PCDH1: variants seen among roughly 807,000 people sequenced by gnomAD.
The protein encoded by PCDH1 is protocadherin 1.
PCDH1 carries 23 observed loss-of-function variants against 74.6 expected under a neutral mutation model. The ratio of observed to expected loss-of-function variants is 0.31; its 90% CI spans 0.22 to 0.44. The LOEUF is 0.44. Among genes scored for constraint, PCDH1 ranks in the 20% least tolerant of loss-of-function variants. The pLI, the probability that PCDH1 is intolerant of heterozygous loss-of-function variation, is 1.00. For synonymous variants in PCDH1, 647 were observed against 686.1 expected (o/e 0.94, Z 0.89); for missense variants, 1,214 against 1,641.4 (o/e 0.74, Z 4.50).
chr5:141,856,162 G>C (rs1561475607), intron 4 of PCDH1: 37 of 1,459,166 alleles, frequency 2.5e-5, no homozygotes, highest in Non-Finnish European at 6.5e-6. Context: ...GCACTGGGTG[G>C]GTGAGGCTGG....
intron 2 of PCDH1, chr5:141,866,204 A>G (rs965794809): frequency 2.3e-5 from 23 of 985,402 alleles, no homozygotes; most frequent in Non-Finnish European, 2.8e-5. Flanking sequence ...TTCAGCAGCA[A>G]CTTCTCCTCC....
rs1752710521 is a variant in PCDH1 at position 141,864,248 on chromosome 5, G to A, written c.2083C>T (p.Arg695Cys). 1 of 1,611,440 alleles carries A rather than the reference G, an allele frequency of 6.2e-7. No individual in the cohort carries two copies. Among genetic ancestry groups the A allele is most frequent in the Non-Finnish European group, 8.5e-7 (1 of 1,177,918 alleles). ...ATGGTGACACCAACGTAAGCTGAGC[G>A]AGGTGGGACGCCACCATCCACTGCC... ...LKAVDGGVPP[R>C]SAYVGVTINV... Residue 695 changes from arginine (R) to cysteine (C), a missense_variant, in exon 3 of 5, where the codon CGC becomes TGC. This residue lies in a region of PCDH1 where 836 missense variants were observed against 1,182.2 expected (regional missense o/e 0.71). Coordinates refer to ENST00000287008, the MANE Select transcript of PCDH1 (RefSeq NM_032420.5). The surrounding 1 kb of genome is among the most constrained non-coding windows in gnomAD (Gnocchi z 5.9).
chr5:141,875,367 C>A (rs1333574409), intron 1 of PCDH1, among the ~76,000 whole-genome samples: 1 of 152,152 alleles, frequency 6.6e-6, no homozygotes, highest in Non-Finnish European at 1.5e-5. Flanking sequence ...CACCACCCAC[C>A]ATGGACCCTG....
chr5:141,869,685 C>G lies in PCDH1; in HGVS notation c.41-254G>C. 2 of 1,517,836 alleles carry G rather than the reference C, an allele frequency of 1.3e-6. No homozygotes were observed. Among genetic ancestry groups the G allele is most frequent in the Non-Finnish European group, 1.8e-6 (2 of 1,135,828 alleles). The allele number at this position is 1,517,836 out of a possible 1,614,324, so 94.0% of individuals were successfully genotyped here. ...CTGGCATGCCTAGAGCAGCTCCCGC[C>G]CATGGAACACCCTCACCCACCTGAC... On this transcript the variant is annotated intron_variant, in intron 1 of 4. Transcript: ENST00000287008. The surrounding 1 kb of genome is among the most constrained non-coding windows in gnomAD (Gnocchi z 4.9).
chr5:141,854,277 T>C lies in PCDH1; in HGVS notation c.3479A>G (p.Asp1160Gly). Residue 1160 changes from aspartate (D) to glycine (G), a missense_variant, in exon 5 of 5, where the codon GAC becomes GGC. This residue lies in a region of PCDH1 where 194 missense variants were observed against 198.3 expected (regional missense o/e 0.98). Coordinates refer to ENST00000287008, the MANE Select transcript of PCDH1 (RefSeq NM_032420.5). Reference protein sequence around the residue: ...LKLSTFVPYQDRGGQEPAGAG... With the variant: ...LKLSTFVPYQGRGGQEPAGAG... ...GCCCGCAGGCTCCTGCCCTCCTCGG[T>C]CCTGGTAAGGCACGAAGGTGGAGAG... 3.7e-6 allele frequency: 6 copies of C among 1,613,674 alleles called. No individual in the cohort carries two copies. The highest frequency in any genetic ancestry group is 5.1e-6 in the Non-Finnish European group (6 of 1,179,842).
rs1752215355 is a variant in PCDH1, at chr5:141,853,949, C to CA, written c.*92dup. ...CACTTGGGGCCCTGGCCAGGAAGTC[C>CA]ACGCTGAAGGGGTGGAGAGTGAGGC... On this transcript the variant is annotated 3_prime_UTR_variant, in exon 5 of 5. Transcript: ENST00000287008. The CA allele has an allele frequency of 5.9e-6, 7 of 1,196,410 alleles. No individual in the cohort carries two copies. In the East Asian group the frequency reaches 1.8e-4, roughly 31 times the overall value. The allele number at this position is 1,196,410 out of a possible 1,614,324, so 74.1% of individuals were successfully genotyped here. A position where few individuals can be genotyped will look rare whatever the true frequency, so the allele number is the denominator to read the frequency against.
chr5:141,870,131 C>T (rs912109854), intron 1 of PCDH1, among the ~76,000 whole-genome samples: 2 of 152,168 alleles, frequency 1.3e-5, no homozygotes, highest in Non-Finnish European at 2.9e-5. Flanking sequence ...ATTCTCCACC[C>T]CCATAAAAGG....
rs1261485039 is a variant in PCDH1 at position 141,853,577 on chromosome 5, C to G, written c.*465G>C. ...AGCCCTTCAGGGAGCCACTGGTGGT[C>G]AAGAGTTTCCTCTGGGAGCTCCCAG... On this transcript the variant is annotated 3_prime_UTR_variant, in exon 5 of 5. Transcript: ENST00000287008. The G allele has an allele frequency of 1.3e-5, 2 of 152,684 alleles. No individual in the cohort carries two copies. The highest frequency in any genetic ancestry group is 1.3e-4 in the Admixed American group (2 of 15,306). 9.5% of individuals were successfully genotyped at this position (152,684 alleles called of 1,614,324 possible).
rs375053596 is a variant in PCDH1 at position 141,874,447 on chromosome 5, G to A, written c.40+3776C>T. On this transcript the variant is annotated intron_variant, in intron 1 of 4. Coordinates refer to ENST00000287008, the MANE Select transcript of PCDH1 (RefSeq NM_032420.5). ...GCCCTACCTCCCCCCAGTGACATGG[G>A]CACCCAGGACCCTGAGAAGCCAGAG... is the stretch of plus-strand genomic sequence containing the variant. Among the ~76,000 whole-genome samples, 14 of 152,344 alleles carry A rather than the reference G, an allele frequency of 9.2e-5. No individual in the cohort carries two copies. The East Asian group carries it at 2.1e-3, about 23-fold the overall frequency.
chr5:141,872,529 A>T (rs1325262520), intron 1 of PCDH1, among the ~76,000 whole-genome samples: 3 of 152,202 alleles, frequency 2.0e-5, no homozygotes, highest in Non-Finnish European at 4.4e-5. Flanking sequence ...TTAGCCGCTA[A>T]TTCAGGGGGC....
chr5:141,853,898 C>T lies in PCDH1; in HGVS notation c.*144G>A, dbSNP rs1349697097. On this transcript the variant is annotated 3_prime_UTR_variant, in exon 5 of 5. Coordinates refer to ENST00000287008, the MANE Select transcript of PCDH1 (RefSeq NM_032420.5). ...GGACCCTGCATGGGAGAAGGGCCAG[C>T]GTGGTCATGAGGTCAGTGATACCCC... The T allele has an allele frequency of 8.0e-6, 5 of 625,434 alleles. No homozygotes were observed. Among genetic ancestry groups the T allele is most frequent in the African/African-American group, 3.6e-5 (2 of 54,840 alleles). 38.7% of individuals were successfully genotyped at this position (625,434 alleles called of 1,614,324 possible).
Position 141,857,333 on chromosome 5 carries a change from C to T in PCDH1, c.3238G>A (p.Gly1080Ser), listed in dbSNP as rs1228012689. 1.9e-6 allele frequency: 3 copies of T among 1,613,652 alleles called. No individual in the cohort carries two copies. The highest frequency in any genetic ancestry group is 1.7e-5 in the Admixed American group (1 of 59,986). ...SSKSSSGPRL[G>S]PLALPEDHYE... ...TGATCCTCAGGCAGGGCCAGGGGAC[C>T]GAGTCGAGGCCCTGAGGATGACTTG... is the stretch of plus-strand genomic sequence containing the variant. Residue 1080 changes from glycine (G) to serine (S), a missense_variant, in exon 4 of 5, where the codon GGT becomes AGT. Physicochemically the swap from Gly to Ser is moderately conservative, Grantham distance 56. Transcript: ENST00000287008.
chr5:141,874,846 A>AGGGGAAGAAAATGGGGTTGC (rs1329357796), intron 1 of PCDH1, among the ~76,000 whole-genome samples: 4 of 151,800 alleles, frequency 2.6e-5, no homozygotes, highest in Admixed American at 1.3e-4. Flanking sequence ...TCGCGGGGAG[A>AGGGGAAGAAAATGGGGTTGC]GGGGAAGAAA....
At position 141,856,406 on chromosome 5, in the gene PCDH1, G is replaced by A. The variant is rs75904398; in HGVS notation, c.3319+846C>T. The A allele has an allele frequency of 5.0e-6, 4 of 804,092 alleles. No homozygotes were observed. In the South Asian group the frequency reaches 5.9e-5, roughly 12 times the overall value. The allele number at this position is 804,092 out of a possible 1,614,324, so 49.8% of individuals were successfully genotyped here. On this transcript the variant is annotated intron_variant, in intron 4 of 4. Transcript: ENST00000287008. ...GACAAGGGCCCTGTGCCTGAGGCAG[G>A]GGAGTGAAACCTCCCATCTTTTGTG...
In PCDH1 at chr5:141,865,012, A is replaced by T. The variant is rs752725093; in HGVS notation, c.1319T>A (p.Phe440Tyr). ...VTCVVAGDVP[F>Y]QLRQASETGS... is the part of the protein sequence containing the mutation. ...TGTCTCACTGGCCTGGCGCAGCTGG[A>T]AGGGCACATCACCTGCCACCACACA... Residue 440 changes from phenylalanine to tyrosine, a missense_variant, in exon 3 of 5, where the codon TTC becomes TAC. Physicochemically the swap from Phe to Tyr is conservative, Grantham distance 22. This residue lies in a region of PCDH1 where 836 missense variants were observed against 1,182.2 expected (regional missense o/e 0.71). Coordinates refer to ENST00000287008, the MANE Select transcript of PCDH1 (RefSeq NM_032420.5). This position sits in a 1 kb window ranked among gnomAD's most constrained non-coding sequence, Gnocchi z 4.4. The T allele has an allele frequency of 6.2e-7, 1 of 1,614,050 alleles. No homozygotes were observed. Among genetic ancestry groups the T allele is most frequent in the South Asian group, 1.1e-5 (1 of 91,064 alleles).
At chr5:141,877,655 C>T (rs138703648) in intron 1 of PCDH1, among the ~76,000 whole-genome samples, 11 of 152,248 alleles carry the variant, frequency 7.2e-5, no homozygotes, top group Non-Finnish European at 1.5e-4. Context: ...TCTGAGCTGG[C>T]GACGGTGCCC....
Position 141,865,466 on chromosome 5 carries a change from G to A in PCDH1, c.904-39C>T. Reference sequence around the variant, plus strand: ...GAGAAAAACAAGGAGAACAGAGATGGTTTAGATCAGGGATAGCAAATAAAG... The same window carrying A: ...GAGAAAAACAAGGAGAACAGAGATGATTTAGATCAGGGATAGCAAATAAAG... On this transcript the variant is annotated intron_variant, in intron 2 of 4. Coordinates refer to ENST00000287008, the MANE Select transcript of PCDH1 (RefSeq NM_032420.5). This position sits in a 1 kb window ranked among gnomAD's most constrained non-coding sequence, Gnocchi z 4.4. The A allele has an allele frequency of 1.3e-6, 2 of 1,586,468 alleles. No individual in the cohort carries two copies. The highest frequency in any genetic ancestry group is 1.7e-6 in the Non-Finnish European group (2 of 1,167,726).
At position 141,853,447 on chromosome 5, in the gene PCDH1, G is replaced by A. The variant is rs887007684; in HGVS notation, c.*595C>T. The A allele has an allele frequency of 6.6e-6, 1 of 152,462 alleles. No homozygotes were observed. Among genetic ancestry groups the A allele is most frequent in the African/African-American group, 2.4e-5 (1 of 41,384 alleles). The allele number at this position is 152,462 out of a possible 1,614,324, so 9.4% of individuals were successfully genotyped here. ...GGGAATGGGGGCCCAGATGGGACTAGGCGTGGGCATGTGGCAGGCAGGTGG... is the reference window on the plus strand; with the variant it reads ...GGGAATGGGGGCCCAGATGGGACTAAGCGTGGGCATGTGGCAGGCAGGTGG... On this transcript the variant is annotated 3_prime_UTR_variant, in exon 5 of 5. Transcript: ENST00000287008.
Position 141,865,364 on chromosome 5 carries a change from G to A in PCDH1, c.967C>T (p.Pro323Ser), listed in dbSNP as rs1752778320. The A allele has an allele frequency of 6.2e-7, 1 of 1,613,976 alleles. No homozygotes were observed. The highest frequency in any genetic ancestry group is 8.5e-7 in the Non-Finnish European group (1 of 1,180,038). Reference protein sequence around the residue: ...AEIEYTFHQAPEVVRRLLRLD... With the variant: ...AEIEYTFHQASEVVRRLLRLD... ...CGAAGAAGACGCCTCACAACTTCGG[G>A]CGCCTGGTGGAATGTGTATTCGATT... is the stretch of plus-strand genomic sequence containing the variant. Residue 323 changes from proline to serine, a missense_variant, in exon 3 of 5, where the codon CCC (proline) becomes TCC (serine). Physicochemically the swap from Pro to Ser is moderately conservative, Grantham distance 74. Transcript: ENST00000287008. This position sits in a 1 kb window ranked among gnomAD's most constrained non-coding sequence, Gnocchi z 4.4.
Sources: gnomAD v4.1 joint callset for allele counts (sites outside exome capture counted in the v4.1 genomes callset) on GRCh38, gnomAD v4.1.1 for gene constraint, gnomAD v4.1.1 regional missense constraint, Gnocchi (gnomAD v3.1) non-coding constraint, MANE v1.5 for transcripts, NCBI Gene and HGNC (gene_info 2026-07-23, HGNC 2026-07-21) for gene names.